Variants in DNAH14 observed in about 807,000 individuals in gnomAD.
The protein encoded by DNAH14 is dynein axonemal heavy chain 14.
DNAH14 carries 478 observed loss-of-function variants against 520.9 expected under a neutral mutation model. The ratio of observed to expected loss-of-function variants is 0.92; its 90% confidence interval spans 0.85 to 0.99. The LOEUF (loss-of-function observed/expected upper bound fraction) is 0.99, where lower values mean the gene tolerates loss of function less well. Among genes scored for constraint, DNAH14 ranks in the 50% least tolerant of loss-of-function variants. The pLI, the probability that DNAH14 is intolerant of heterozygous loss-of-function variation, is 0.00. For missense variants in DNAH14, 4,831 were observed against 5,234.5 expected (o/e 0.92, Z 2.38); for synonymous variants, 1,581 against 1,757.2 (o/e 0.90, Z 2.51).
At chr1:225,187,487 C>T (rs1179565961) in intron 37 of DNAH14, among the ~76,000 whole-genome samples, 4 of 151,792 alleles carry the variant, frequency 2.6e-5, no homozygotes, top group Non-Finnish European at 5.9e-5. Context: ...CATATGATTT[C>T]ATTTCTCTTG....
At chr1:225,190,166 C>T (rs1329621626) in intron 37 of DNAH14, among the ~76,000 whole-genome samples, 1 of 151,854 alleles carries the variant, frequency 6.6e-6, no homozygotes, top group Non-Finnish European at 1.5e-5. Context: ...ACATACATAT[C>T]TATGATGAAG....
At chr1:225,335,105 A>G (rs565701825) in intron 66 of DNAH14, among the ~76,000 whole-genome samples, 7 of 148,100 alleles carry the variant, frequency 4.7e-5, no homozygotes, top group Non-Finnish European at 1.0e-4. Flanking sequence ...ATATATGTAT[A>G]TATACATATA....
At chr1:225,200,589 G>A (rs1352901263) in intron 38 of DNAH14, among the ~76,000 whole-genome samples, 3 of 151,978 alleles carry the variant, frequency 2.0e-5, no homozygotes, top group Non-Finnish European at 4.4e-5. Flanking sequence ...TTGTTTGTTT[G>A]ACTGTATCTG....
chr1:225,215,385 T>A (rs148486041), intron 41 of DNAH14, among the ~76,000 whole-genome samples: 7,412 of 152,252 alleles, frequency 0.049, 283 homozygotes, highest in Non-Finnish European at 0.072. Flanking sequence ...TATATTCTGT[T>A]GATTTGGGGT....
At chr1:225,303,662 G>A (rs556749029) in intron 57 of DNAH14, among the ~76,000 whole-genome samples, 1 of 152,272 alleles carries the variant, frequency 6.6e-6, no homozygotes, top group South Asian at 2.1e-4. Flanking sequence ...TCTATGGTAA[G>A]GATGCTGCAA....
At chr1:224,988,096 C>T (rs1056667114) in intron 8 of DNAH14, among the ~76,000 whole-genome samples, 4 of 152,136 alleles carry the variant, frequency 2.6e-5, no homozygotes, top group African/African-American at 9.7e-5. Context: ...TTGTTTCCCT[C>T]TCTGTGTCCA....
chr1:225,270,622 CT>C (rs1574424910), intron 49 of DNAH14, 112 bp from the exon 50 acceptor site: 8 of 894,886 alleles, frequency 8.9e-6, no homozygotes, highest in Non-Finnish European at 3.1e-6. Context: ...GTAATTAAAT[CT>C]TTTTGTCTAA....
chr1:225,059,687 G>A (rs2069735456), intron 17 of DNAH14, among the ~76,000 whole-genome samples: 1 of 152,220 alleles, frequency 6.6e-6, no homozygotes, highest in African/African-American at 2.4e-5. Flanking sequence ...TCCATGTTTA[G>A]TGCTTCCTTC....
chr1:225,384,190 G>A (rs1235770612), intron 81 of DNAH14, among the ~76,000 whole-genome samples: 2 of 152,182 alleles, frequency 1.3e-5, no homozygotes, highest in Non-Finnish European at 2.9e-5. Flanking sequence ...GTGCGATGTG[G>A]TGCTGAGAAG....
intron 15 of DNAH14, among the ~76,000 whole-genome samples, chr1:225,047,686 A>G (rs2068085297): frequency 1.3e-5 from 2 of 152,152 alleles, no homozygotes; most frequent in South Asian, 4.1e-4. Context: ...CAGAATTGCT[A>G]CTCCTTGCTT....
chr1:225,386,320 G>T (rs1407296815), intron 81 of DNAH14, among the ~76,000 whole-genome samples: 31 of 152,152 alleles, frequency 2.0e-4, no homozygotes, highest in Admixed American at 2.0e-3. Context: ...ATAGGCATGG[G>T]CAAGGACTTC....
At chr1:225,182,211 A>G (rs2084118512) in intron 36 of DNAH14, among the ~76,000 whole-genome samples, 1 of 152,172 alleles carries the variant, frequency 6.6e-6, no homozygotes, top group Admixed American at 6.5e-5. Flanking sequence ...AAATAAAATA[A>G]AAAGGAATTA....
chr1:225,367,789 C>G lies in DNAH14; in HGVS notation c.12091-16C>G. The G allele has an allele frequency of 6.5e-7, 1 of 1,538,824 alleles. No individual in the cohort carries two copies. The highest frequency in any genetic ancestry group is 8.8e-7 in the Non-Finnish European group (1 of 1,135,926). ...ATCTGTCCTCACATGCCATTTTACTCACATCTGTTTTCAAGATTGCCGTGG... is the reference window on the plus strand; with the variant it reads ...ATCTGTCCTCACATGCCATTTTACTGACATCTGTTTTCAAGATTGCCGTGG... On this transcript the variant is annotated splice_polypyrimidine_tract_variant and intron_variant, in intron 76 of 85. Transcript: ENST00000682510.
intron 28 of DNAH14, among the ~76,000 whole-genome samples, chr1:225,142,394 A>G (rs1235280084): frequency 6.6e-6 from 1 of 152,224 alleles, no homozygotes; most frequent in South Asian, 2.1e-4. Context: ...TACAACATCT[A>G]TCAGACACCA....
At chr1:225,397,029 A>ATGGAGTCTTGCTCTGT (rs2096020647) in intron 84 of DNAH14, 1 of 147,074 alleles carries the variant, frequency 6.8e-6, no homozygotes, top group African/African-American at 2.5e-5. Flanking sequence ...TTTTTTTGAG[A>ATGGAGTCTTGCTCTGT]TGGAGTCTTG....
chr1:225,346,677 G>A (rs1393932651), intron 71 of DNAH14, 23 bp downstream of exon 71: 5 of 1,503,760 alleles, frequency 3.3e-6, no homozygotes, highest in Non-Finnish European at 4.5e-6. Context: ...TACTATTCCG[G>A]ATTCAGTAAA....
intron 1 of DNAH14, among the ~76,000 whole-genome samples, chr1:224,943,169 C>T (rs1321863210): frequency 2.0e-5 from 3 of 152,184 alleles, no homozygotes; most frequent in Non-Finnish European, 4.4e-5. Context: ...TAATTATTGC[C>T]TCAATTTCAG....
chr1:225,009,433 C>T (rs1350612423), intron 10 of DNAH14, among the ~76,000 whole-genome samples: 1 of 152,130 alleles, frequency 6.6e-6, no homozygotes, highest in African/African-American at 2.4e-5. Context: ...GATGTTACTT[C>T]TGAGGCCTCT....
chr1:225,331,514 A>G lies in DNAH14; in HGVS notation c.9801A>G (p.Lys3267=). ...VAEKQLLANR[K]TMASRRFQCA... ...AAAAACAACTATTAGCAAATCGGAA[A>G]ACAATGGCCAGCAGGCGCTTTCAGT... is the stretch of plus-strand genomic sequence containing the variant. The change falls in exon 65 of 86, where the codon AAA becomes AAG. Residue 3267 remains lysine (K), a synonymous_variant. Transcript: ENST00000682510. 6.4e-7 allele frequency: 1 copy of G among 1,551,462 alleles called. No individual in the cohort carries two copies. Among genetic ancestry groups the G allele is most frequent in the Non-Finnish European group, 8.7e-7 (1 of 1,146,846 alleles).
Sources: allele counts gnomAD v4.1 joint callset (sites outside exome capture counted in the v4.1 genomes callset), GRCh38; gene constraint gnomAD v4.1.1; transcripts MANE v1.5; gene names NCBI Gene and HGNC (gene_info 2026-07-23, HGNC 2026-07-21).